The following EMP2 variants were observed in gnomAD, a reference collection of about 807,000 sequenced individuals.
The protein encoded by EMP2 is epithelial membrane protein 2.
Under a neutral mutation model 13.7 loss-of-function variants are expected in EMP2, and 19 were observed. The observed-to-expected ratio is 1.38, with a 90% confidence interval of 0.97 to 2.03. The LOEUF (loss-of-function observed/expected upper bound fraction) is 2.03. EMP2 is among the 30% of genes most tolerant of loss of function. The pLI, the probability that EMP2 is intolerant of heterozygous loss-of-function variation, is 0.00. For missense variants in EMP2, 253 were observed against 220.7 expected, an observed-to-expected ratio of 1.15 and a Z score of -0.93; for synonymous variants, 97 against 84.7, an observed-to-expected ratio of 1.15 and a Z score of -0.80.
chr16:10,556,195 TTTCC>T (rs2050826524), intron 1 of EMP2, among the ~76,000 whole-genome samples: 2 of 152,134 alleles, frequency 1.3e-5, no homozygotes, highest in South Asian at 2.1e-4. Flanking sequence ...GCATTTCCAG[TTTCC>T]TTCCTTCTTT....
rs748414070 is a variant in EMP2 at position 10,547,946 on chromosome 16, A to T, written c.-60-269T>A. Among the ~76,000 whole-genome samples, 9 of 152,136 alleles carry T rather than the reference A, an allele frequency of 5.9e-5. 1 individual carries two copies. The highest frequency in any genetic ancestry group is 9.7e-5 in the African/African-American group (4 of 41,420). ...CTACTTAGGAGGCTGAGGCAGGAAG[A>T]TTGCTTGAGACTGGGAGGTTGAGGA... On this transcript the variant is annotated intron_variant, in intron 1 of 4. Transcript: ENST00000359543.
rs2050749654 is a variant in EMP2 at position 10,547,601 on chromosome 16, G to A, written c.17C>T (p.Ala6Val). Residue 6 changes from alanine (A) to valine (V), a missense_variant, in exon 2 of 5, where the codon GCT becomes GTT. Coordinates refer to ENST00000359543, the MANE Select transcript of EMP2 (RefSeq NM_001424.6). MLVLLAFIIAFHITSA... is the reference protein window; with the variant it reads MLVLLVFIIAFHITSA... ...GGTGATGTGGAAGGCGATGATGAAA[G>A]CAAGAAGCACCAACATTTTCACAGG... 1 of 1,614,046 alleles carries A rather than the reference G, an allele frequency of 6.2e-7. No individual in the cohort carries two copies. The highest frequency in any genetic ancestry group is 1.1e-5 in the South Asian group (1 of 91,070).
intron 3 of EMP2, among the ~76,000 whole-genome samples, chr16:10,541,862 C>A (rs1219334173): frequency 2.0e-5 from 3 of 152,136 alleles, no homozygotes; most frequent in African/African-American, 7.2e-5. Context: ...ATGGTCCCTG[C>A]CTGATGGGGC....
chr16:10,569,041 G>T (rs1224104014), intron 1 of EMP2, among the ~76,000 whole-genome samples: 1 of 152,076 alleles, frequency 6.6e-6, no homozygotes, highest in Non-Finnish European at 1.5e-5. Flanking sequence ...ACCCACCTTG[G>T]CCTCCCAAAG....
At chr16:10,579,090 G>A (rs1318821156) in intron 1 of EMP2, among the ~76,000 whole-genome samples, 2 of 152,192 alleles carry the variant, frequency 1.3e-5, no homozygotes, top group African/African-American at 2.4e-5. Context: ...ACAGGAGAGC[G>A]TGCTGGAAAC....
At chr16:10,549,721 A>ACACACT (rs1567204621) in intron 1 of EMP2, among the ~76,000 whole-genome samples, 3 of 49,566 alleles carry the variant, frequency 6.1e-5, no homozygotes, top group African/African-American at 2.6e-4. Flanking sequence ...GCACGCACAC[A>ACACACT]CACACACTCA....
intron 1 of EMP2, among the ~76,000 whole-genome samples, chr16:10,552,345 A>C (rs909459103): frequency 6.6e-6 from 1 of 152,212 alleles, no homozygotes; most frequent in Non-Finnish European, 1.5e-5. Flanking sequence ...ATAATTAAAA[A>C]GAAAAAAGGT....
Position 10,531,490 on chromosome 16 carries a change from C to T in EMP2, c.*1415G>A, listed in dbSNP as rs1457199381. ...GGATTACAGGCATGCACCACCACGC[C>T]CAGCTCATTTTTGTATTTTTAGTAG... On this transcript the variant is annotated 3_prime_UTR_variant, in exon 5 of 5. Transcript: ENST00000359543. 1.3e-5 allele frequency: 2 copies of T among 151,726 alleles called. No individual in the cohort carries two copies. Among genetic ancestry groups the T allele is most frequent in the African/African-American group, 2.4e-5 (1 of 41,298 alleles). The allele number at this position is 151,726 out of a possible 1,614,324, so 9.4% of individuals were successfully genotyped here.
chr16:10,548,477 A>G (rs2050756823), intron 1 of EMP2, among the ~76,000 whole-genome samples: 1 of 152,160 alleles, frequency 6.6e-6, no homozygotes, highest in Non-Finnish European at 1.5e-5. Context: ...GATGTTAATT[A>G]AGCCCAGGAG....
chr16:10,564,043 G>C (rs981078874), intron 1 of EMP2, among the ~76,000 whole-genome samples: 1 of 152,206 alleles, frequency 6.6e-6, no homozygotes, highest in Non-Finnish European at 1.5e-5. Context: ...TGGGGAGCAG[G>C]GCTACCCCAT....
At chr16:10,558,037 T>TTG (rs1045457915) in intron 1 of EMP2, among the ~76,000 whole-genome samples, 39 of 151,582 alleles carry the variant, frequency 2.6e-4, no homozygotes, top group African/African-American at 7.5e-4. Context: ...TCAAGTTTTT[T>TTG]TTTTTTTTTT....
chr16:10,535,687 G>A (rs569073766), intron 4 of EMP2, among the ~76,000 whole-genome samples: 20 of 152,222 alleles, frequency 1.3e-4, no homozygotes, highest in African/African-American at 4.8e-4. Context: ...TTCAGCCCGG[G>A]CAACAGAGTA....
intron 1 of EMP2, among the ~76,000 whole-genome samples, chr16:10,557,322 A>G (rs1033950408): frequency 9.6e-5 from 14 of 146,352 alleles, no homozygotes; most frequent in Non-Finnish European, 8.9e-5. Context: ...CCACCACTGC[A>G]CTCCAGCCTG....
chr16:10,551,730 C>A (rs961201566), intron 1 of EMP2, among the ~76,000 whole-genome samples: 1 of 152,108 alleles, frequency 6.6e-6, no homozygotes, highest in African/African-American at 2.4e-5. Flanking sequence ...TTTTAAAAGG[C>A]CTTTTTCTGG....
chr16:10,572,865 C>T (rs1053992587), intron 1 of EMP2, among the ~76,000 whole-genome samples: 3 of 152,252 alleles, frequency 2.0e-5, no homozygotes, highest in Middle Eastern at 3.4e-3. Flanking sequence ...CATTCTGGGA[C>T]GGATGAGGAC....
intron 4 of EMP2, 123 bp from the exon 5 acceptor site, chr16:10,533,215 T>G (rs1446591918): frequency 8.9e-6 from 9 of 1,014,784 alleles, no homozygotes; most frequent in Non-Finnish European, 1.2e-5. Context: ...ATTATTATTT[T>G]GTTGTAGAGA....
At chr16:10,539,178 A>G (rs748169821) in intron 3 of EMP2, among the ~76,000 whole-genome samples, 5 of 152,192 alleles carry the variant, frequency 3.3e-5, no homozygotes, top group African/African-American at 4.8e-5. Context: ...GGATGAGGCC[A>G]AAAGATAACG....
chr16:10,551,476 G>A (rs556026280), intron 1 of EMP2, among the ~76,000 whole-genome samples: 3 of 152,234 alleles, frequency 2.0e-5, no homozygotes, highest in African/African-American at 7.2e-5. Flanking sequence ...GCACAATCTC[G>A]GCTCACTGCA....
intron 1 of EMP2, among the ~76,000 whole-genome samples, chr16:10,567,133 C>T (rs561079698): frequency 2.6e-5 from 4 of 152,190 alleles, no homozygotes; most frequent in Non-Finnish European, 5.9e-5. Flanking sequence ...TCTTATGTAT[C>T]GCTGTGCACT....
Sources: allele counts gnomAD v4.1 joint callset (sites outside exome capture counted in the v4.1 genomes callset), GRCh38; gene constraint gnomAD v4.1.1; transcripts MANE v1.5; gene names NCBI Gene and HGNC (gene_info 2026-07-23, HGNC 2026-07-21).